The following NOPCHAP1 variants were observed in gnomAD, a reference collection of about 807,000 sequenced individuals.
The protein encoded by NOPCHAP1 is NOP protein chaperone 1.
NOPCHAP1 carries 13 observed loss-of-function variants against 14.0 expected under a neutral mutation model. That is an observed-to-expected ratio of 0.93 (90% CI 0.60 to 1.47). The LOEUF is 1.47. NOPCHAP1 is among the 40% of genes most tolerant of loss of function. NOPCHAP1 has a pLI of 0.00. For missense variants in NOPCHAP1, 230 were observed against 226.9 expected (o/e 1.01, Z -0.09); for synonymous variants, 78 against 78.4 (o/e 1.00, Z 0.03).
At position 105,002,406 on chromosome 12, in the gene NOPCHAP1, A is replaced by G. The variant is rs1873626238; in HGVS notation, c.*7710A>G. On this transcript the variant is annotated 3_prime_UTR_variant, in exon 4 of 4. Transcript: ENST00000552951. ...GCTCCATTTACAAATAGAGCAGTTA[A>G]TCCTGTTTCAGGCACTGCCAGAAGT... is the stretch of plus-strand genomic sequence containing the variant. 1 of 152,190 alleles carries G rather than the reference A, an allele frequency of 6.6e-6. No individual in the cohort carries two copies. 9.4% of individuals were successfully genotyped at this position (152,190 alleles called of 1,614,324 possible). A position where few individuals can be genotyped will look rare whatever the true frequency, so the allele number is the denominator to read the frequency against.
In NOPCHAP1 at chr12:104,986,370, G is replaced by T. The variant is rs776314525; in HGVS notation, c.18G>T (p.Lys6Asn). The stretch of plus-strand genomic sequence containing the variant: ...AGGGAAGCATGGAGGTCCATGGCAA[G>T]CCCAAGGCTAGCCCGAGTTGTTCGT... MEVHG[K>N]PKASPSCSSP... is the part of the protein sequence containing the mutation. The change falls in exon 1 of 4, where the codon AAG becomes AAT. Residue 6 changes from lysine (K) to asparagine (N), a missense_variant. Physicochemically the swap from Lys to Asn is moderately conservative, Grantham distance 94 (BLOSUM62 0). Coordinates refer to ENST00000552951, the MANE Select transcript of NOPCHAP1 (RefSeq NM_152318.3). The T allele has an allele frequency of 2.5e-6, 4 of 1,610,260 alleles. No individual in the cohort carries two copies. The highest frequency in any genetic ancestry group is 2.7e-5 in the African/African-American group (2 of 74,838).
At chr12:104,987,489 G>A (rs1873266477) in intron 1 of NOPCHAP1, among the ~76,000 whole-genome samples, 1 of 152,140 alleles carries the variant, frequency 6.6e-6, no homozygotes, top group Admixed American at 6.5e-5. Flanking sequence ...TGTTTGTTGC[G>A]GCTCTGCTTT....
At chr12:104,988,331 C>T (rs1873292382) in intron 2 of NOPCHAP1, 78 bp downstream of exon 2, 1 of 1,142,614 alleles carries the variant, frequency 8.8e-7, no homozygotes, top group African/African-American at 1.5e-5. Context: ...TCTCTGCCTT[C>T]ATTGTCAGGT....
intron 2 of NOPCHAP1, among the ~76,000 whole-genome samples, chr12:104,990,201 G>C (rs1433426876): frequency 6.6e-6 from 1 of 152,046 alleles, no homozygotes; most frequent in African/African-American, 2.4e-5. Flanking sequence ...GAAGAACCAC[G>C]ACTGGACTAG....
chr12:104,989,024 T>TA (rs762107270), intron 2 of NOPCHAP1, among the ~76,000 whole-genome samples: 11 of 151,832 alleles, frequency 7.2e-5, no homozygotes, highest in Non-Finnish European at 1.5e-4. Context: ...TTTTTTTTTT[T>TA]ACGAAGAAGA....
chr12:104,993,318 C>T (rs1444960110), intron 3 of NOPCHAP1, among the ~76,000 whole-genome samples: 1 of 152,058 alleles, frequency 6.6e-6, no homozygotes, highest in Non-Finnish European at 1.5e-5. Context: ...TGAAAGCAGC[C>T]ACTGACAATA....
chr12:105,001,067 T>C lies in NOPCHAP1; in HGVS notation c.*6371T>C, dbSNP rs4964310. 37,628 of 151,546 alleles carry C rather than the reference T, an allele frequency of 0.25. 5,112 individuals carry two copies. Among genetic ancestry groups the C allele is most frequent in the South Asian group, 0.46 (2,181 of 4,770 alleles). 9.4% of individuals were successfully genotyped at this position (151,546 alleles called of 1,614,324 possible). A position where few individuals can be genotyped will look rare whatever the true frequency, so the allele number is the denominator to read the frequency against. On this transcript the variant is annotated 3_prime_UTR_variant, in exon 4 of 4. Coordinates refer to ENST00000552951, the MANE Select transcript of NOPCHAP1 (RefSeq NM_152318.3). ...CAGTTTAAAGTTTCATTTGTTCTTT[T>C]GAGCTTTCCAGAAGATTAAGGGTGT...
At position 104,986,341 on chromosome 12, in the gene NOPCHAP1, C is replaced by T. The variant is rs750362571; in HGVS notation, c.-12C>T. 3 of 1,600,306 alleles carry T rather than the reference C, an allele frequency of 1.9e-6. No homozygotes were observed. Among genetic ancestry groups the T allele is most frequent in the Admixed American group, 3.4e-5 (2 of 58,162 alleles). On this transcript the variant is annotated 5_prime_UTR_variant, in exon 1 of 4. Coordinates refer to ENST00000552951, the MANE Select transcript of NOPCHAP1 (RefSeq NM_152318.3). Reference sequence around the variant, plus strand: ...CTGCATCCGGGCCTGAGAGTGCAGGCTTGAGGGAAGCATGGAGGTCCATGG... The same window carrying T: ...CTGCATCCGGGCCTGAGAGTGCAGGTTTGAGGGAAGCATGGAGGTCCATGG...
At position 105,015,916 on chromosome 12, in the gene NOPCHAP1, T is replaced by C. The variant is rs1167555782; in HGVS notation, c.*21220T>C. On this transcript the variant is annotated 3_prime_UTR_variant, in exon 4 of 4. Coordinates refer to ENST00000552951, the MANE Select transcript of NOPCHAP1 (RefSeq NM_152318.3). The stretch of plus-strand genomic sequence containing the variant: ...ATTATATATGGATTAAGGATTTAAA[T>C]GTAAAAAAAGAAATTATAAGAGTTC... 6.6e-6 allele frequency: 1 copy of C among 151,418 alleles called. No individual in the cohort carries two copies. The highest frequency in any genetic ancestry group is 2.4e-5 in the African/African-American group (1 of 41,250). 9.4% of individuals were successfully genotyped at this position (151,418 alleles called of 1,614,324 possible).
chr12:104,986,375 A>C lies in NOPCHAP1; in HGVS notation c.23A>C (p.Lys8Thr). Residue 8 changes from lysine (K) to threonine (T), a missense_variant, in exon 1 of 4, where the codon AAG becomes ACG. Transcript: ENST00000552951. ...AGCATGGAGGTCCATGGCAAGCCCA[A>C]GGCTAGCCCGAGTTGTTCGTCGCCC... MEVHGKP[K>T]ASPSCSSPTR... 6.2e-7 allele frequency: 1 copy of C among 1,610,882 alleles called. No homozygotes were observed. Among genetic ancestry groups the C allele is most frequent in the Non-Finnish European group, 8.5e-7 (1 of 1,178,720 alleles).
rs949739450 is a variant in NOPCHAP1, at chr12:104,994,989, G to T, written c.*293G>T. 3 of 357,944 alleles carry T rather than the reference G, an allele frequency of 8.4e-6. No homozygotes were observed. Among genetic ancestry groups the T allele is most frequent in the Non-Finnish European group, 1.5e-5 (3 of 193,968 alleles). 22.2% of individuals were successfully genotyped at this position (357,944 alleles called of 1,614,324 possible). On this transcript the variant is annotated 3_prime_UTR_variant, in exon 4 of 4. Coordinates refer to ENST00000552951, the MANE Select transcript of NOPCHAP1 (RefSeq NM_152318.3). ...GAATAACTTGATGGGTTACAGCTAGGTGTTTGCCTAAATAAGGCAAAGAGG... is the reference window on the plus strand; with the variant it reads ...GAATAACTTGATGGGTTACAGCTAGTTGTTTGCCTAAATAAGGCAAAGAGG...
chr12:105,003,142 C>T lies in NOPCHAP1; in HGVS notation c.*8446C>T, dbSNP rs985023561. ...GTATGTACCAATTTAAAGAATGCATCTCATTGCTTATGAAGCATTTTGGAT... is the reference window on the plus strand; with the variant it reads ...GTATGTACCAATTTAAAGAATGCATTTCATTGCTTATGAAGCATTTTGGAT... On this transcript the variant is annotated 3_prime_UTR_variant, in exon 4 of 4. Coordinates refer to ENST00000552951, the MANE Select transcript of NOPCHAP1 (RefSeq NM_152318.3). The T allele has an allele frequency of 7.2e-5, 11 of 152,188 alleles. No homozygotes were observed. Among genetic ancestry groups the T allele is most frequent in the African/African-American group, 2.7e-4 (11 of 41,434 alleles). 9.4% of individuals were successfully genotyped at this position (152,188 alleles called of 1,614,324 possible). A position where few individuals can be genotyped will look rare whatever the true frequency, so the allele number is the denominator to read the frequency against.
At chr12:104,994,047 C>A (rs1037345181) in intron 3 of NOPCHAP1, among the ~76,000 whole-genome samples, 10 of 152,156 alleles carry the variant, frequency 6.6e-5, no homozygotes, top group African/African-American at 2.4e-4. Flanking sequence ...GTATTAAAAA[C>A]ATTTCTTATC....
Position 104,994,676 on chromosome 12 carries a change from G to C in NOPCHAP1, c.538G>C (p.Ala180Pro), listed in dbSNP as rs1873459128. 1 of 1,607,520 alleles carries C rather than the reference G, an allele frequency of 6.2e-7. No individual in the cohort carries two copies. Among genetic ancestry groups the C allele is most frequent in the Non-Finnish European group, 8.5e-7 (1 of 1,177,800 alleles). The change falls in exon 4 of 4, where the codon GCA becomes CCA. Residue 180 changes from alanine (A) to proline (P), a missense_variant. Physicochemically the swap from Ala to Pro is conservative, Grantham distance 27 (BLOSUM62 -1). Transcript: ENST00000552951. ...CAAGATTGAAGTTTTGGACAGTCCA[G>C]CAAGTAAAAAAAAGAAATAGTCAAA... ...KGKIEVLDSP[A>P]SKKKK
intron 2 of NOPCHAP1, among the ~76,000 whole-genome samples, chr12:104,988,735 A>G (rs749673563): frequency 4.6e-5 from 7 of 152,204 alleles, no homozygotes; most frequent in Non-Finnish European, 7.3e-5. Context: ...CCTCTATGTA[A>G]TTCACTCTTA....
rs1873764454 is a variant in NOPCHAP1 at position 105,009,102 on chromosome 12, T to A, written c.*14406T>A. 6.6e-6 allele frequency: 1 copy of A among 152,238 alleles called. No individual in the cohort carries two copies. Among genetic ancestry groups the A allele is most frequent in the South Asian group, 2.1e-4 (1 of 4,826 alleles). 9.4% of individuals were successfully genotyped at this position (152,238 alleles called of 1,614,324 possible). The stretch of plus-strand genomic sequence containing the variant: ...ATGGCCATTTTCACGATATTGATTC[T>A]TCCTATCCATGAGCATGGAATGTTT... On this transcript the variant is annotated 3_prime_UTR_variant, in exon 4 of 4. Coordinates refer to ENST00000552951, the MANE Select transcript of NOPCHAP1 (RefSeq NM_152318.3).
In NOPCHAP1 at chr12:104,995,847, A is replaced by ATT. The variant is rs774796821; in HGVS notation, c.*1164_*1165dup. 345 of 143,486 alleles carry ATT rather than the reference A, an allele frequency of 2.4e-3. 1 individual carries two copies. The highest frequency in any genetic ancestry group is 4.1e-3 in the Non-Finnish European group (270 of 65,358). The allele number at this position is 143,486 out of a possible 1,614,324, so 8.9% of individuals were successfully genotyped here. On this transcript the variant is annotated 3_prime_UTR_variant, in exon 4 of 4. Coordinates refer to ENST00000552951, the MANE Select transcript of NOPCHAP1 (RefSeq NM_152318.3). ...AGGCGCCCACCACCATGCCCGGCTA[A>ATT]TTTTTTTTTTTTTTGTATTTTTAGT...
In NOPCHAP1 at chr12:105,015,541, A is replaced by G. The variant is rs888550775; in HGVS notation, c.*20845A>G. The G allele has an allele frequency of 7.9e-5, 12 of 152,244 alleles. No individual in the cohort carries two copies. Among genetic ancestry groups the G allele is most frequent in the African/African-American group, 2.2e-4 (9 of 41,454 alleles). 9.4% of individuals were successfully genotyped at this position (152,244 alleles called of 1,614,324 possible). On this transcript the variant is annotated 3_prime_UTR_variant, in exon 4 of 4. Coordinates refer to ENST00000552951, the MANE Select transcript of NOPCHAP1 (RefSeq NM_152318.3). Reference sequence around the variant, plus strand: ...AAATATTAAATGGAACATTCCAGAAATAATACATAAGTTTTAAGTTGCTGA... The same window carrying G: ...AAATATTAAATGGAACATTCCAGAAGTAATACATAAGTTTTAAGTTGCTGA...
rs1437166967 is a variant in NOPCHAP1, at chr12:105,013,218, C to T, written c.*18522C>T. 2.6e-5 allele frequency: 4 copies of T among 152,284 alleles called. No individual in the cohort carries two copies. The highest frequency in any genetic ancestry group is 5.9e-5 in the Non-Finnish European group (4 of 68,094). 9.4% of individuals were successfully genotyped at this position (152,284 alleles called of 1,614,324 possible). On this transcript the variant is annotated 3_prime_UTR_variant, in exon 4 of 4. Coordinates refer to ENST00000552951, the MANE Select transcript of NOPCHAP1 (RefSeq NM_152318.3). ...TAGAGAGGCAGTCTAGGCACAGCTGCTTTGCCGCACTGTGGTGGGCTCTGC... is the reference window on the plus strand; with the variant it reads ...TAGAGAGGCAGTCTAGGCACAGCTGTTTTGCCGCACTGTGGTGGGCTCTGC...
Sources: allele counts gnomAD v4.1 joint callset (sites outside exome capture counted in the v4.1 genomes callset), GRCh38; gene constraint gnomAD v4.1.1; transcripts MANE v1.5; gene names NCBI Gene and HGNC (gene_info 2026-07-23, HGNC 2026-07-21).